The following C11orf16 variants were observed in gnomAD, a reference collection of about 807,000 sequenced individuals.
The protein encoded by C11orf16 is uncharacterized protein C11orf16.
A neutral mutation model predicts 45.1 loss-of-function variants in C11orf16; 38 were observed. The observed-to-expected ratio is 0.84, with a 90% CI of 0.65 to 1.10. C11orf16 has a LOEUF of 1.10. Among genes scored for constraint, C11orf16 ranks in the 50% least tolerant of loss-of-function variants. The pLI, the probability that C11orf16 is intolerant of heterozygous loss-of-function variation, is 0.00. For synonymous variants in C11orf16, 221 were observed against 222.0 expected (o/e 1.00, Z 0.04); for missense variants, 583 against 569.5 (o/e 1.02, Z -0.24).
chr11:8,930,471 A>G (rs1183464287), intron 2 of C11orf16, among the ~76,000 whole-genome samples: 1 of 149,714 alleles, frequency 6.7e-6, no homozygotes, highest in Middle Eastern at 3.2e-3. Context: ...GGTCAATCCT[A>G]AGGCGGCGTG....
intron 3 of C11orf16, 54 bp downstream of exon 3, chr11:8,929,323 T>C (rs2064635101): frequency 1.9e-6 from 3 of 1,568,392 alleles, no homozygotes; most frequent in South Asian, 1.2e-5. Context: ...ATGTCAGGTA[T>C]GACAAGGCCA....
rs773268815 is a variant in C11orf16, at chr11:8,932,157, T to G, written c.152A>C (p.His51Pro). 8 of 1,583,330 alleles carry G rather than the reference T, an allele frequency of 5.1e-6. 1 individual carries two copies. The South Asian group carries it at 9.3e-5, about 18-fold the overall frequency. ...AGACAGGTACCTTGCAAGGGGCTTG[T>G]GCCCGGTGAGCCAGGGTGCTTGGAG... ...FALQAPWLTG[H>P]KPLARHASSC... Residue 51 changes from histidine (H) to proline (P), a missense_variant, in exon 2 of 7, where the codon CAC becomes CCC. His to Pro is a moderately conservative substitution (Grantham distance 77). Transcript: ENST00000326053.
chr11:8,925,774 G>A lies in C11orf16; in HGVS notation c.893C>T (p.Thr298Ile), dbSNP rs774760384. ...AAGTTCTCTGGCCATGACTTCTGAG[G>A]TCCTGGTTAGAGGCCACCAAGTCGT... ...CGTTWWPLTR[T>I]SEVMARELPE... Residue 298 changes from threonine (T) to isoleucine (I), a missense_variant, in exon 5 of 7, where the codon ACC becomes ATC. Physicochemically the swap from Thr to Ile is moderately conservative, Grantham distance 89. Transcript: ENST00000326053. The A allele has an allele frequency of 1.9e-5, 31 of 1,614,130 alleles. No homozygotes were observed. The African/African-American group carries it at 3.9e-4, about 20-fold the overall frequency.
At position 8,927,365 on chromosome 11, in the gene C11orf16, C is replaced by A. The variant is rs919305573; in HGVS notation, c.325-191G>T. ...GCCAAGACAGGCAGGCTGTGTGGCA[C>A]GGTTGTGCTCCCCTGAATCTCTTCC... On this transcript the variant is annotated intron_variant, in intron 3 of 6. Transcript: ENST00000326053. The A allele has an allele frequency of 6.7e-6, 4 of 599,078 alleles. No individual in the cohort carries two copies. In the East Asian group the frequency reaches 8.4e-5, roughly 13 times the overall value. 37.1% of individuals were successfully genotyped at this position (599,078 alleles called of 1,614,324 possible).
At chr11:8,927,869 G>A in intron 3 of C11orf16, among the ~76,000 whole-genome samples, 1 of 152,190 alleles carries the variant, frequency 6.6e-6, no homozygotes, top group Non-Finnish European at 1.5e-5. Context: ...AGCTTTGCTA[G>A]AATTTCATTT....
intron 6 of C11orf16, 125 bp from the exon 7 acceptor site, chr11:8,920,575 A>C: frequency 1.9e-6 from 1 of 528,544 alleles, no homozygotes; most frequent in Non-Finnish European, 3.3e-6. Flanking sequence ...TAATCCCAAC[A>C]TTTTGGGAAA....
intron 4 of C11orf16, 78 bp from the exon 5 acceptor site, chr11:8,926,185 C>CATT: frequency 2.3e-6 from 2 of 886,444 alleles, no homozygotes; most frequent in Non-Finnish European, 3.1e-6. Flanking sequence ...TTTTTCTTTT[C>CATT]TTTTTTTTTT....
intron 3 of C11orf16, 143 bp from the exon 4 acceptor site, chr11:8,927,317 G>A (rs1427681957): frequency 4.6e-6 from 3 of 649,994 alleles, no homozygotes; most frequent in Non-Finnish European, 8.0e-6. Flanking sequence ...GGACAGGGCA[G>A]ATGCTGCTTC....
chr11:8,921,010 G>C (rs1251222030), intron 6 of C11orf16, among the ~76,000 whole-genome samples: 1 of 152,026 alleles, frequency 6.6e-6, no homozygotes, highest in Non-Finnish European at 1.5e-5. Context: ...CATTCTTAGT[G>C]AGGAATAGAC....
chr11:8,926,345 A>G (rs1260014821), intron 4 of C11orf16, among the ~76,000 whole-genome samples: 1 of 151,254 alleles, frequency 6.6e-6, no homozygotes, highest in Admixed American at 6.6e-5. Context: ...AGCCTCTCCT[A>G]CCCACACAGG....
At chr11:8,932,000 T>C (rs563821630) in intron 2 of C11orf16, 142 bp downstream of exon 2, 2 of 887,242 alleles carry the variant, frequency 2.3e-6, no homozygotes, top group Non-Finnish European at 3.3e-6. Context: ...CACACAGATA[T>C]GCCAATCATA....
At chr11:8,925,240 A>G (rs969474565) in intron 5 of C11orf16, among the ~76,000 whole-genome samples, 1 of 152,238 alleles carries the variant, frequency 6.6e-6, no homozygotes, top group Non-Finnish European at 1.5e-5. Context: ...CCTTAGCACA[A>G]AGATCAGTTC....
intron 5 of C11orf16, among the ~76,000 whole-genome samples, chr11:8,922,901 G>A (rs978531621): frequency 6.6e-6 from 1 of 152,158 alleles, no homozygotes; most frequent in Non-Finnish European, 1.5e-5. Flanking sequence ...TGGTGAGGGC[G>A]GGGGATGGCC....
In C11orf16 at chr11:8,926,173, TTTTTTTCTTTTC is replaced by T; in HGVS notation, c.560-78_560-67del. 5.2e-6 allele frequency: 7 copies of T among 1,355,018 alleles called. No homozygotes were observed. In the African/African-American group the frequency reaches 1.1e-4, roughly 20 times the overall value. 83.9% of individuals were successfully genotyped at this position (1,355,018 alleles called of 1,614,324 possible). On this transcript the variant is annotated intron_variant, in intron 4 of 6. Transcript: ENST00000326053. ...ATTATCTCCTTTTTTTTCTTTTTTC[TTTTTTTCTTTTC>T]TTTTTTTTTTTTTTTTTTTGAGACA...
At chr11:8,921,249 T>C (rs985263537) in intron 6 of C11orf16, 45 bp downstream of exon 6, 13 of 1,506,104 alleles carry the variant, frequency 8.6e-6, no homozygotes, top group Non-Finnish European at 7.4e-6. Context: ...CTAAGACCCA[T>C]GTGAGGAGTC....
intron 5 of C11orf16, among the ~76,000 whole-genome samples, chr11:8,923,092 T>C (rs191899029): frequency 6.6e-4 from 100 of 152,348 alleles, no homozygotes; most frequent in African/African-American, 2.3e-3. Context: ...ATTAATAGAA[T>C]TTATTTCAGG....
At position 8,925,776 on chromosome 11, in the gene C11orf16, C is replaced by A. The variant is rs2064606270; in HGVS notation, c.891G>T (p.Arg297Ser). ...GTTCTCTGGCCATGACTTCTGAGGT[C>A]CTGGTTAGAGGCCACCAAGTCGTGC... The part of the protein sequence containing the change: ...PCGTTWWPLT[R>S]TSEVMARELP... The change falls in exon 5 of 7, where the codon AGG becomes AGT. Residue 297 changes from arginine (R) to serine (S), a missense_variant. Coordinates refer to ENST00000326053, the MANE Select transcript of C11orf16 (RefSeq NM_020643.3). 6 of 1,614,144 alleles carry A rather than the reference C, an allele frequency of 3.7e-6. No homozygotes were observed. Among genetic ancestry groups the A allele is most frequent in the Non-Finnish European group, 5.1e-6 (6 of 1,180,058 alleles).
Position 8,927,119 on chromosome 11 carries a change from G to C in C11orf16, c.380C>G (p.Pro127Arg). Reference sequence around the variant, plus strand: ...TCTCTGCTGCTGGGCTGGCAGCTTTGGGCCTGCGACAAGAGGAGCCTCGAA... The same window carrying C: ...TCTCTGCTGCTGGGCTGGCAGCTTTCGGCCTGCGACAAGAGGAGCCTCGAA... ...VEFEAPLVAG[P>R]KLPAQQQRVV... Residue 127 changes from proline to arginine, a missense_variant, in exon 4 of 7, where the codon CCA becomes CGA. Transcript: ENST00000326053. 6.2e-7 allele frequency: 1 copy of C among 1,614,084 alleles called. No individual in the cohort carries two copies. Among genetic ancestry groups the C allele is most frequent in the Non-Finnish European group, 8.5e-7 (1 of 1,180,008 alleles).
In C11orf16 at chr11:8,925,748, G is replaced by C; in HGVS notation, c.919C>G (p.Pro307Ala). 1 of 1,614,252 alleles carries C rather than the reference G, an allele frequency of 6.2e-7. No homozygotes were observed. The highest frequency in any genetic ancestry group is 1.1e-5 in the South Asian group (1 of 91,088). The change falls in exon 5 of 7, where the codon CCA becomes GCA. Residue 307 changes from proline (P) to alanine (A), a missense_variant. Physicochemically the swap from Pro to Ala is conservative, Grantham distance 27 (BLOSUM62 -1). Coordinates refer to ENST00000326053, the MANE Select transcript of C11orf16 (RefSeq NM_020643.3). The stretch of plus-strand genomic sequence containing the variant: ...AGCTGTGCTGTGGGCTCCAACTCTG[G>C]AAGTTCTCTGGCCATGACTTCTGAG... The part of the protein sequence containing the change: ...RTSEVMAREL[P>A]ELEPTAQLLP...
Sources: allele counts gnomAD v4.1 joint callset (sites outside exome capture counted in the v4.1 genomes callset), GRCh38; gene constraint gnomAD v4.1.1; transcripts MANE v1.5; gene names NCBI Gene and HGNC (gene_info 2026-07-23, HGNC 2026-07-21).